MUC12: variants seen among roughly 807,000 people sequenced by gnomAD.
MUC12 encodes the protein mucin 12, cell surface associated, also known as mucin-12.
A neutral mutation model predicts 230.8 loss-of-function variants in MUC12; 172 were observed. The observed-to-expected ratio is 0.75, with a 90% CI of 0.66 to 0.85. The LOEUF (loss-of-function observed/expected upper bound fraction) is 0.85. Ranked by LOEUF, MUC12 falls within the 40% of genes least tolerant of loss-of-function variation. MUC12 has a pLI of 0.00. For synonymous variants in MUC12, 1,259 were observed against 2,401.9 expected, an observed-to-expected ratio of 0.52 and a Z score of 13.91; for missense variants, 3,506 against 5,920.6, an observed-to-expected ratio of 0.59 and a Z score of 13.38.
Position 101,003,474 on chromosome 7 carries a change from A to G in MUC12, c.12911A>G (p.His4304Arg). The change falls in exon 2 of 12, where the codon CAC becomes CGC. Residue 4304 changes from histidine to arginine, a missense_variant. Physicochemically the swap from His to Arg is conservative, Grantham distance 29. Transcript: ENST00000536621. ...CTCCTTGAAGCATCTACACCCGTCC[A>G]CAGCAGCACTGGATCGCCACACACA... ...SGLLEASTPV[H>R]SSTGSPHTTL... 1.4e-6 allele frequency: 2 copies of G among 1,468,558 alleles called. No homozygotes were observed. Among genetic ancestry groups the G allele is most frequent in the Non-Finnish European group, 9.1e-7 (1 of 1,096,918 alleles). 91.0% of individuals were successfully genotyped at this position (1,468,558 alleles called of 1,614,324 possible).
intron 1 of MUC12, among the ~76,000 whole-genome samples, chr7:100,974,868 CTT>C (rs1409056986): frequency 6.6e-6 from 1 of 152,246 alleles, no homozygotes; most frequent in Non-Finnish European, 1.5e-5. Flanking sequence ...GAAAAGAACT[CTT>C]TATCTCTGAT....
intron 1 of MUC12, among the ~76,000 whole-genome samples, chr7:100,976,878 C>G (rs998582526): frequency 2.0e-5 from 3 of 151,582 alleles, no homozygotes; most frequent in African/African-American, 7.3e-5. Context: ...TGGTGAAACC[C>G]CATCTCTACT....
intron 1 of MUC12, chr7:100,972,110 T>A (rs1207030583): frequency 2.8e-6 from 2 of 703,300 alleles, no homozygotes; most frequent in East Asian, 5.4e-5. Flanking sequence ...CCTGCCCTCC[T>A]CTTGCAGAGG....
intron 3 of MUC12, among the ~76,000 whole-genome samples, chr7:101,008,280 C>T (rs980652322): frequency 3.3e-5 from 5 of 151,962 alleles, no homozygotes; most frequent in Non-Finnish European, 7.4e-5. Context: ...GCGTGCACTA[C>T]CATGCCTGGT....
rs140060477 is a variant in MUC12 at position 101,015,211 on chromosome 7, G to C, written c.15801-404G>C. On this transcript the variant is annotated intron_variant, in intron 9 of 11. Transcript: ENST00000536621. ...GTTATCACTCACCTTGGCCACCACA[G>C]AGCACAGCACCACATGGGGAAGCTG... The C allele has an allele frequency of 2.0e-3, 407 of 206,610 alleles. 1 individual carries two copies. The highest frequency in any genetic ancestry group is 8.7e-3 in the African/African-American group (378 of 43,460). The allele number at this position is 206,610 out of a possible 1,614,324, so 12.8% of individuals were successfully genotyped here.
chr7:100,990,896 C>T lies in MUC12; in HGVS notation c.333C>T (p.Thr111=). Residue 111 remains threonine (T), a synonymous_variant, in exon 2 of 12, where the codon ACC becomes ACT. Transcript: ENST00000536621. ...CAGTTTTTGTTGGAGAACCTAAAAC[C>T]TCACCCATCACTTCAGCCTCAATGG... is the stretch of plus-strand genomic sequence containing the variant. ...ATSVFVGEPK[T]SPITSASMET... 4 of 1,537,830 alleles carry T rather than the reference C, an allele frequency of 2.6e-6. No individual in the cohort carries two copies. The highest frequency in any genetic ancestry group is 2.0e-5 in the Admixed American group (1 of 51,002).
chr7:100,991,525 C>T lies in MUC12; in HGVS notation c.962C>T (p.Ser321Phe). The T allele has an allele frequency of 6.5e-7, 1 of 1,537,242 alleles. No individual in the cohort carries two copies. Among genetic ancestry groups the T allele is most frequent in the East Asian group, 2.4e-5 (1 of 40,906 alleles). Residue 321 changes from serine (S) to phenylalanine (F), a missense_variant, in exon 2 of 12, where the codon TCC becomes TTC. Coordinates refer to ENST00000536621, the MANE Select transcript of MUC12 (RefSeq NM_001164462.2). The part of the protein sequence containing the change: ...STPTTHFSAS[S>F]TTLGHSEEST... ...CCAACAACCCACTTTTCTGCCAGCT[C>T]CACAACCTTGGGCCATAGTGAGGAA...
rs1280068307 is a variant in MUC12, at chr7:100,992,393, C to A, written c.1830C>A (p.Ser610Arg). The A allele has an allele frequency of 5.2e-6, 8 of 1,537,070 alleles. No individual in the cohort carries two copies. The highest frequency in any genetic ancestry group is 2.0e-5 in the Admixed American group (1 of 50,972). Residue 610 changes from serine (S) to arginine (R), a missense_variant, in exon 2 of 12, where the codon AGC becomes AGA. By Grantham distance (110) the Ser-to-Arg change is moderately radical (BLOSUM62 -1). Transcript: ENST00000536621. ...GLLEASMPVH[S>R]STRSPHTTLS... ...TTGAAGCATCTATGCCCGTCCACAG[C>A]AGCACCAGATCGCCACACACAACAC...
Position 101,017,630 on chromosome 7 carries a change from G to A in MUC12, c.15933G>A (p.Arg5311=), listed in dbSNP as rs780420150. Residue 5311 remains arginine (R), a synonymous_variant, in exon 11 of 12, where the codon CGG becomes CGA. Transcript: ENST00000536621. The stretch of plus-strand genomic sequence containing the variant: ...TTGAGAACGCCTACAACAACTTCCG[G>A]CCCACCCTGGAGACTGTTGACTCTG... The part of the protein sequence containing the change: ...FGLENAYNNF[R]PTLETVDSGT... 4 of 1,536,022 alleles carry A rather than the reference G, an allele frequency of 2.6e-6. No homozygotes were observed. The highest frequency in any genetic ancestry group is 1.7e-4 in the Middle Eastern group (1 of 5,986).
Position 101,004,701 on chromosome 7 carries a change from C to T in MUC12, c.14138C>T (p.Thr4713Ile). 1 of 1,537,890 alleles carries T rather than the reference C, an allele frequency of 6.5e-7. No individual in the cohort carries two copies. The highest frequency in any genetic ancestry group is 8.7e-7 in the Non-Finnish European group (1 of 1,147,056). Residue 4713 changes from threonine (T) to isoleucine (I), a missense_variant, in exon 2 of 12, where the codon ACC (threonine) becomes ATC (isoleucine). Coordinates refer to ENST00000536621, the MANE Select transcript of MUC12 (RefSeq NM_001164462.2). ...TTSGRIAEST[T>I]FYISPGSMET... ...TCAGGCCGCATTGCAGAATCTACCA[C>T]CTTCTATATCTCTCCAGGCTCAATG...
rs1235970332 is a variant in MUC12 at position 101,004,734 on chromosome 7, C to T, written c.14171C>T (p.Thr4724Ile). ...ATCTCTCCAGGCTCAATGGAAACAA[C>T]ATTAGCCAGCACTGCCACAACACCA... ...FYISPGSMET[T>I]LASTATTPGL... The change falls in exon 2 of 12, where the codon ACA becomes ATA. Residue 4724 changes from threonine (T) to isoleucine (I), a missense_variant. Coordinates refer to ENST00000536621, the MANE Select transcript of MUC12 (RefSeq NM_001164462.2). 31 of 1,536,898 alleles carry T rather than the reference C, an allele frequency of 2.0e-5. No homozygotes were observed. The highest frequency in any genetic ancestry group is 3.9e-5 in the Admixed American group (2 of 50,958).
At position 100,995,344 on chromosome 7, in the gene MUC12, G is replaced by C. The variant is rs1170043105; in HGVS notation, c.4781G>C (p.Ser1594Thr). 15 of 1,533,108 alleles carry C rather than the reference G, an allele frequency of 9.8e-6. No individual in the cohort carries two copies. The highest frequency in any genetic ancestry group is 2.0e-5 in the Admixed American group (1 of 50,688). 95.0% of individuals were successfully genotyped at this position (1,533,108 alleles called of 1,614,324 possible). A position where few individuals can be genotyped will look rare whatever the true frequency, so the allele number is the denominator to read the frequency against. ...ACGCACACAACAGCATTCCCTGGCA[G>C]TACCACCATGCCAGGCGTCAGTCAG... Reference protein sequence around the residue: ...GSTHTTAFPGSTTMPGVSQES... With the variant: ...GSTHTTAFPGTTTMPGVSQES... Residue 1594 changes from serine to threonine, a missense_variant, in exon 2 of 12, where the codon AGT (serine) becomes ACT (threonine). Physicochemically the swap from Ser to Thr is moderately conservative, Grantham distance 58 (BLOSUM62 1). Transcript: ENST00000536621.
At chr7:101,015,831 G>C in intron 10 of MUC12, 140 bp downstream of exon 10, 2 of 706,192 alleles carry the variant, frequency 2.8e-6, no homozygotes, top group Non-Finnish European at 4.7e-6. Context: ...CCTACCTGCC[G>C]CTGCAGCCCC....
intron 9 of MUC12, 113 bp downstream of exon 9, chr7:101,014,187 C>A: frequency 7.8e-7 from 1 of 1,276,526 alleles, no homozygotes; most frequent in South Asian, 1.7e-5. Context: ...TCAGAGAGGT[C>A]AGCTGAGGCC....
chr7:101,016,145 A>G (rs1793913613), intron 10 of MUC12, among the ~76,000 whole-genome samples: 1 of 151,956 alleles, frequency 6.6e-6, no homozygotes, highest in African/African-American at 2.4e-5. Flanking sequence ...GGACAAGGGA[A>G]AGGGCACCCC....
At chr7:100,971,161 A>G (rs1452024355) in intron 1 of MUC12, among the ~76,000 whole-genome samples, 1 of 51,710 alleles carries the variant, frequency 1.9e-5, no homozygotes, top group Non-Finnish European at 4.5e-5. Context: ...TCAAAAAAAA[A>G]CAAACAAAAA....
chr7:101,013,253 C>T, intron 8 of MUC12, 111 bp downstream of exon 8: 1 of 1,198,684 alleles, frequency 8.3e-7, no homozygotes, highest in South Asian at 1.5e-5. Flanking sequence ...GGAGGTGCCT[C>T]CTCCCCACTC....
chr7:100,995,930 A>C lies in MUC12; in HGVS notation c.5367A>C (p.Thr1789=), dbSNP rs1418717622. The change falls in exon 2 of 12, where the codon ACA becomes ACC. Residue 1789 remains threonine, a synonymous_variant. Coordinates refer to ENST00000536621, the MANE Select transcript of MUC12 (RefSeq NM_001164462.2). ...CAATGCACTTCCCTGAAAGCTCCAC[A>C]GCTTCAGGTCGTAGTGAAGAATCAA... is the stretch of plus-strand genomic sequence containing the variant. The part of the protein sequence containing the change: ...TQTMHFPESS[T]ASGRSEESRT... 2.4e-6 allele frequency: 3 copies of C among 1,232,880 alleles called. No individual in the cohort carries two copies. Among genetic ancestry groups the C allele is most frequent in the East Asian group, 2.6e-5 (1 of 38,030 alleles). 76.4% of individuals were successfully genotyped at this position (1,232,880 alleles called of 1,614,324 possible). A position where few individuals can be genotyped will look rare whatever the true frequency, so the allele number is the denominator to read the frequency against.
intron 5 of MUC12, among the ~76,000 whole-genome samples, chr7:101,010,907 C>T (rs1407765528): frequency 6.6e-6 from 1 of 152,098 alleles, no homozygotes; most frequent in East Asian, 1.9e-4. Flanking sequence ...GCCTCGGCCT[C>T]CCAAATTGCT....
Sources: allele counts gnomAD v4.1 joint callset (sites outside exome capture counted in the v4.1 genomes callset), GRCh38; gene constraint gnomAD v4.1.1; transcripts MANE v1.5; gene names NCBI Gene and HGNC (gene_info 2026-07-23, HGNC 2026-07-21).